Variants in ZC2HC1B observed in about 807,000 individuals in gnomAD.
ZC2HC1B encodes zinc finger C2HC-type containing 1B.
ZC2HC1B carries 36 observed loss-of-function variants against 31.0 expected under a neutral mutation model. The observed-to-expected ratio is 1.16, with a 90% CI of 0.89 to 1.54. The LOEUF (loss-of-function observed/expected upper bound fraction) is 1.54, where lower values mean the gene tolerates loss of function less well. Ranked by LOEUF, ZC2HC1B falls within the 40% of genes most tolerant of loss-of-function variation. The probability of loss-of-function intolerance (pLI) is 0.00; values close to 1 mark genes in which losing one functional copy is unlikely to be tolerated. For missense variants in ZC2HC1B, 260 were observed against 268.6 expected (o/e 0.97, Z 0.22); for synonymous variants, 73 against 88.0 (o/e 0.83, Z 0.95).
At chr6:143,890,614 G>A (rs1460595706) in intron 4 of ZC2HC1B, among the ~76,000 whole-genome samples, 7 of 152,080 alleles carry the variant, frequency 4.6e-5, no homozygotes, top group Non-Finnish European at 1.0e-4. Context: ...GGCAAGAAAT[G>A]AATTAAAATA....
intron 6 of ZC2HC1B, among the ~76,000 whole-genome samples, chr6:143,937,340 C>T (rs1302131457): frequency 1.3e-5 from 2 of 152,090 alleles, no homozygotes; most frequent in African/African-American, 4.8e-5. Flanking sequence ...GGGGCAATAG[C>T]GGAGGGGATG....
chr6:143,917,135 A>G lies in ZC2HC1B; in HGVS notation c.598+13983A>G, dbSNP rs1180189506. Among the ~76,000 whole-genome samples, 1 of 152,166 alleles carries G rather than the reference A, an allele frequency of 6.6e-6. No homozygotes were observed. The highest frequency in any genetic ancestry group is 2.4e-5 in the African/African-American group (1 of 41,440). On this transcript the variant is annotated intron_variant, in intron 6 of 7. Transcript: ENST00000237275. This position sits in a 1 kb window ranked among gnomAD's most constrained non-coding sequence, Gnocchi z 4.1. Reference sequence around the variant, plus strand: ...TGTGCTATTCTCGTGATAGTGAGTAAGTCTCATGAGATCTGACGACTTTAA... The same window carrying G: ...TGTGCTATTCTCGTGATAGTGAGTAGGTCTCATGAGATCTGACGACTTTAA...
At position 143,895,966 on chromosome 6, in the gene ZC2HC1B, A is replaced by G. The variant is rs982273704; in HGVS notation, c.350-2586A>G. ...CGATTGAGCTGAGTGTAGAACATGT[A>G]GCTCAGTTATGCTGGGTTCAGATTA... On this transcript the variant is annotated intron_variant, in intron 4 of 7. Transcript: ENST00000237275. This position sits in a 1 kb window ranked among gnomAD's most constrained non-coding sequence, Gnocchi z 4.8. Among the ~76,000 whole-genome samples, 3 of 152,122 alleles carry G rather than the reference A, an allele frequency of 2.0e-5. No homozygotes were observed. Among genetic ancestry groups the G allele is most frequent in the Non-Finnish European group, 2.9e-5 (2 of 68,014 alleles).
Position 143,872,396 on chromosome 6 carries a change from T to C in ZC2HC1B, c.28+7829T>C, listed in dbSNP as rs1480283748. Among the ~76,000 whole-genome samples the C allele has an allele frequency of 6.6e-6, 1 of 152,242 alleles. No homozygotes were observed. Among genetic ancestry groups the C allele is most frequent in the African/African-American group, 2.4e-5 (1 of 41,470 alleles). ...GTGATTAGTCAGTGCCAGAGCTCTA[T>C]ATGTGTCAGACTATTCTGATTGTTG... is the stretch of plus-strand genomic sequence containing the variant. On this transcript the variant is annotated intron_variant, in intron 1 of 7. Transcript: ENST00000237275. This position sits in a 1 kb window ranked among gnomAD's most constrained non-coding sequence, Gnocchi z 5.5.
chr6:143,912,309 A>G (rs1199449828), intron 6 of ZC2HC1B, among the ~76,000 whole-genome samples: 1 of 152,132 alleles, frequency 6.6e-6, no homozygotes, highest in East Asian at 1.9e-4. Context: ...CCCTTGCTGG[A>G]GAGGTGTTGC....
chr6:143,929,875 C>T (rs1193166331), intron 6 of ZC2HC1B, among the ~76,000 whole-genome samples: 1 of 152,124 alleles, frequency 6.6e-6, no homozygotes, highest in Non-Finnish European at 1.5e-5. Flanking sequence ...AGTTTGTGAG[C>T]ATATAAATAG....
chr6:143,886,758 T>C lies in ZC2HC1B; in HGVS notation c.286T>C (p.Cys96Arg), dbSNP rs1195509248. 2 of 1,549,704 alleles carry C rather than the reference T, an allele frequency of 1.3e-6. No homozygotes were observed. The highest frequency in any genetic ancestry group is 3.9e-5 in the Admixed American group (2 of 50,766). Residue 96 changes from cysteine to arginine, a missense_variant, in exon 4 of 8, where the codon TGT becomes CGT. Physicochemically the swap from Cys to Arg is radical, Grantham distance 180. Coordinates refer to ENST00000237275, the MANE Select transcript of ZC2HC1B (RefSeq NM_001013623.3). This position sits in a 1 kb window ranked among gnomAD's most constrained non-coding sequence, Gnocchi z 4.2. The stretch of plus-strand genomic sequence containing the variant: ...TAATGCAATCCGATCAGCAAAGCAG[T>C]GTATGCTAGCCATTAAAGAAGGCCG... ...FINAIRSAKQ[C>R]MLAIKEGRPL...
At chr6:143,937,564 C>T in intron 6 of ZC2HC1B, 85 bp from the exon 7 acceptor site, 1 of 1,237,514 alleles carries the variant, frequency 8.1e-7, no homozygotes, top group South Asian at 1.5e-5. Flanking sequence ...ACTTTTGAAC[C>T]CATGTGGGGA....
At chr6:143,912,521 T>C (rs6917779) in intron 6 of ZC2HC1B, among the ~76,000 whole-genome samples, 1,779 of 152,338 alleles carry the variant, frequency 0.012, 35 homozygotes, top group African/African-American at 0.04. Context: ...TAAGGTTTGC[T>C]GGGGGTCCAC....
rs1049901395 is a variant in ZC2HC1B at position 143,924,875 on chromosome 6, G to A, written c.599-12774G>A. Among the ~76,000 whole-genome samples, 2 of 152,050 alleles carry A rather than the reference G, an allele frequency of 1.3e-5. No homozygotes were observed. The highest frequency in any genetic ancestry group is 2.9e-5 in the Non-Finnish European group (2 of 67,998). ...TGTATTATCCTTTTATGGTGCTGTT[G>A]GATTCACTTTGCTAGTATTTTGTTG... On this transcript the variant is annotated intron_variant, in intron 6 of 7. Coordinates refer to ENST00000237275, the MANE Select transcript of ZC2HC1B (RefSeq NM_001013623.3). This position sits in a 1 kb window ranked among gnomAD's most constrained non-coding sequence, Gnocchi z 5.2.
At chr6:143,937,836 C>T (rs1298318233) in intron 7 of ZC2HC1B, 103 bp downstream of exon 7, 2 of 806,504 alleles carry the variant, frequency 2.5e-6, no homozygotes, top group African/African-American at 1.8e-5. Context: ...TCTGGACAAA[C>T]TCCAAGTTGG....
rs1178186299 is a variant in ZC2HC1B at position 143,871,677 on chromosome 6, G to T, written c.28+7110G>T. On this transcript the variant is annotated intron_variant, in intron 1 of 7. Coordinates refer to ENST00000237275, the MANE Select transcript of ZC2HC1B (RefSeq NM_001013623.3). The surrounding 1 kb of genome is among the most constrained non-coding windows in gnomAD (Gnocchi z 4.1). ...TGAGTCTTTCAAGTCCTTGATGGTG[G>T]TACTAATCGCCACAGTCTCTGCAGG... 6.6e-6 allele frequency among the ~76,000 whole-genome samples: 1 copy of T among 152,192 alleles called. No individual in the cohort carries two copies. The highest frequency in any genetic ancestry group is 1.5e-5 in the Non-Finnish European group (1 of 68,028).
Position 143,913,310 on chromosome 6 carries a change from G to T in ZC2HC1B, c.598+10158G>T, listed in dbSNP as rs1036815654. 2.6e-5 allele frequency among the ~76,000 whole-genome samples: 4 copies of T among 152,148 alleles called. No individual in the cohort carries two copies. The highest frequency in any genetic ancestry group is 5.9e-5 in the Non-Finnish European group (4 of 68,022). ...TTCTAGGGAAACCCTTCCTTGTCTGGACGGTTTCGACTCTCCAGAGTCCAC... is the reference window on the plus strand; with the variant it reads ...TTCTAGGGAAACCCTTCCTTGTCTGTACGGTTTCGACTCTCCAGAGTCCAC... On this transcript the variant is annotated intron_variant, in intron 6 of 7. Coordinates refer to ENST00000237275, the MANE Select transcript of ZC2HC1B (RefSeq NM_001013623.3). This position sits in a 1 kb window ranked among gnomAD's most constrained non-coding sequence, Gnocchi z 5.7.
At chr6:143,902,925 G>C in intron 5 of ZC2HC1B, 119 bp from the exon 6 acceptor site, 1 of 841,452 alleles carries the variant, frequency 1.2e-6, no homozygotes, top group Non-Finnish European at 1.9e-6. Context: ...GATTCAGGGA[G>C]TCCCTGCAGA....
At chr6:143,932,189 A>G (rs1778128858) in intron 6 of ZC2HC1B, among the ~76,000 whole-genome samples, 1 of 152,216 alleles carries the variant, frequency 6.6e-6, no homozygotes, top group African/African-American at 2.4e-5. Context: ...TGAACTTCAT[A>G]TTTAGATGTC....
intron 1 of ZC2HC1B, among the ~76,000 whole-genome samples, chr6:143,873,675 G>T (rs2128493263): frequency 6.6e-6 from 1 of 152,372 alleles, no homozygotes; most frequent in Admixed American, 6.5e-5. Context: ...AAGGCTTGGG[G>T]CTTCCACCCT....
chr6:143,919,973 C>T lies in ZC2HC1B; in HGVS notation c.598+16821C>T, dbSNP rs1777969078. 2.6e-5 allele frequency among the ~76,000 whole-genome samples: 4 copies of T among 151,890 alleles called. 1 individual carries two copies. In the South Asian group the frequency reaches 8.3e-4, roughly 32 times the overall value. ...TTTTCCTCATTTGGGAAAAACTTAA[C>T]AGTGAGGTAGATACTAGTTTTCAGT... On this transcript the variant is annotated intron_variant, in intron 6 of 7. Coordinates refer to ENST00000237275, the MANE Select transcript of ZC2HC1B (RefSeq NM_001013623.3).
rs1778143935 is a variant in ZC2HC1B at position 143,933,398 on chromosome 6, C to T, written c.599-4251C>T. ...TCAGGTGATGGATGGGATCATAAAG[C>T]TCCCAAGAGTTTATGTCTTTTGTGA... On this transcript the variant is annotated intron_variant, in intron 6 of 7. Coordinates refer to ENST00000237275, the MANE Select transcript of ZC2HC1B (RefSeq NM_001013623.3). The surrounding 1 kb of genome is among the most constrained non-coding windows in gnomAD (Gnocchi z 6.4). Among the ~76,000 whole-genome samples, 1 of 152,208 alleles carries T rather than the reference C, an allele frequency of 6.6e-6. No individual in the cohort carries two copies. The highest frequency in any genetic ancestry group is 1.9e-4 in the East Asian group (1 of 5,182).
At chr6:143,906,630 GAT>G (rs1777797526) in intron 6 of ZC2HC1B, among the ~76,000 whole-genome samples, 1 of 151,956 alleles carries the variant, frequency 6.6e-6, no homozygotes, top group African/African-American at 2.4e-5. Context: ...TTTTAATAGA[GAT>G]AGAGTTTTGC....
Sources: gnomAD v4.1 joint callset for allele counts (sites outside exome capture counted in the v4.1 genomes callset) on GRCh38, gnomAD v4.1.1 for gene constraint, Gnocchi (gnomAD v3.1) non-coding constraint, MANE v1.5 for transcripts, NCBI Gene and HGNC (gene_info 2026-07-23, HGNC 2026-07-21) for gene names.